The following GRM7 variants were observed in gnomAD, a reference collection of about 807,000 sequenced individuals.
The protein encoded by GRM7 is glutamate metabotropic receptor 7.
In GRM7, 35 loss-of-function variants were observed where a neutral mutation model predicts 84.5. That is an observed-to-expected ratio of 0.41 (90% CI 0.32 to 0.55). The LOEUF is 0.55. Among genes scored for constraint, GRM7 ranks in the 20% least tolerant of loss-of-function variants. The probability of loss-of-function intolerance (pLI) is 0.19; values close to 1 mark genes in which losing one functional copy is unlikely to be tolerated. For synonymous variants in GRM7, 487 were observed against 455.1 expected (o/e 1.07, Z -0.89); for missense variants, 1,003 against 1,194.6 (o/e 0.84, Z 2.36).
At chr3:6,975,349 AT>A (rs1693949067) in intron 1 of GRM7, among the ~76,000 whole-genome samples, 1 of 152,168 alleles carries the variant, frequency 6.6e-6, no homozygotes, top group African/African-American at 2.4e-5. Flanking sequence ...TTTCCAAATG[AT>A]GGCTCTGTCT....
intron 4 of GRM7, among the ~76,000 whole-genome samples, chr3:7,408,755 G>C (rs141029825): frequency 3.3e-5 from 5 of 152,288 alleles, no homozygotes; most frequent in Non-Finnish European, 7.3e-5. Flanking sequence ...GCATAGAGTC[G>C]AGGGTGCAGG....
intron 1 of GRM7, among the ~76,000 whole-genome samples, chr3:6,927,110 C>T (rs1331515220): frequency 6.6e-6 from 1 of 151,988 alleles, no homozygotes; most frequent in African/African-American, 2.4e-5. Context: ...TAAATATGTG[C>T]CATAAAATAA....
chr3:6,999,033 A>G (rs534159396), intron 1 of GRM7, among the ~76,000 whole-genome samples: 1 of 152,268 alleles, frequency 6.6e-6, no homozygotes, highest in African/African-American at 2.4e-5. Context: ...CTCCCCAGAA[A>G]ATGGGTTTTC....
At chr3:7,053,031 G>A (rs1351174059) in intron 1 of GRM7, among the ~76,000 whole-genome samples, 3 of 149,004 alleles carry the variant, frequency 2.0e-5, no homozygotes, top group Non-Finnish European at 4.5e-5. Flanking sequence ...TAGCATGCCA[G>A]TTGGTCAGTA....
rs1466965932 is a variant in GRM7 at position 7,360,134 on chromosome 3, C to CCT, written c.1033+53485_1033+53486dup. On this transcript the variant is annotated intron_variant, in intron 4 of 9. Coordinates refer to ENST00000357716, the MANE Select transcript of GRM7 (RefSeq NM_000844.4). ...TCTCTTTCTCCCCCCCTTTTTTTTC[C>CCT]CTCTGTGTGTGTGTGTGTGTGTGTG... Among the ~76,000 whole-genome samples, 49 of 105,856 alleles carry CCT rather than the reference C, an allele frequency of 4.6e-4. 4 individuals carry two copies. Among genetic ancestry groups the CCT allele is most frequent in the African/African-American group, 2.0e-3 (46 of 23,580 alleles). The allele number at this position is 105,856 out of a possible 152,430, so 69.4% of individuals were successfully genotyped here.
At chr3:7,404,103 A>G (rs1471196319) in intron 4 of GRM7, among the ~76,000 whole-genome samples, 2 of 152,164 alleles carry the variant, frequency 1.3e-5, no homozygotes, top group South Asian at 2.1e-4. Flanking sequence ...AAAAAATTCT[A>G]TACTTAATTC....
chr3:7,217,654 A>G (rs1696659563), intron 2 of GRM7, among the ~76,000 whole-genome samples: 1 of 150,706 alleles, frequency 6.6e-6, no homozygotes, highest in East Asian at 1.9e-4. Flanking sequence ...AATCTTTCCA[A>G]TTTCTGTCAG....
In GRM7 at chr3:7,596,844, G is replaced by T. The variant is rs530105942; in HGVS notation, c.2451+17487G>T. Among the ~76,000 whole-genome samples, 110 of 152,234 alleles carry T rather than the reference G, an allele frequency of 7.2e-4. 1 individual carries two copies. The highest frequency in any genetic ancestry group is 2.5e-3 in the African/African-American group (105 of 41,542). On this transcript the variant is annotated intron_variant, in intron 8 of 9. Coordinates refer to ENST00000357716, the MANE Select transcript of GRM7 (RefSeq NM_000844.4). ...CGTAAAGCCCATGCACAGCTGTGAGGACCCAGGTAGTAGGTGGAGAGGGTT... is the reference window on the plus strand; with the variant it reads ...CGTAAAGCCCATGCACAGCTGTGAGTACCCAGGTAGTAGGTGGAGAGGGTT...
chr3:7,484,971 T>G (rs1699266621), intron 7 of GRM7, among the ~76,000 whole-genome samples: 1 of 152,194 alleles, frequency 6.6e-6, no homozygotes, highest in Non-Finnish European at 1.5e-5. Flanking sequence ...GCTGCCAGAT[T>G]GTGACTTGCC....
intron 1 of GRM7, among the ~76,000 whole-genome samples, chr3:6,948,508 G>A (rs1698179200): frequency 1.3e-5 from 2 of 152,174 alleles, no homozygotes; most frequent in African/African-American, 2.4e-5. Context: ...GTGTGGTGTG[G>A]TTCTGAGAAG....
chr3:7,239,676 G>T lies in GRM7; in HGVS notation c.737-59008G>T, dbSNP rs184986141. 7.9e-5 allele frequency among the ~76,000 whole-genome samples: 12 copies of T among 152,194 alleles called. No homozygotes were observed. The South Asian group carries it at 8.3e-4, about 11-fold the overall frequency. ...CATCCAGTCTATTAAAGGCCTAGAG[G>T]GGGACATTTTTGATCTGGGAAAATT... On this transcript the variant is annotated intron_variant, in intron 2 of 9. Transcript: ENST00000357716.
intron 1 of GRM7, among the ~76,000 whole-genome samples, chr3:6,942,558 A>G (rs970781348): frequency 6.6e-6 from 1 of 152,098 alleles, no homozygotes; most frequent in African/African-American, 2.4e-5. Flanking sequence ...GTCTATATTA[A>G]TAGTGTATTC....
At chr3:7,023,696 A>G (rs1460103528) in intron 1 of GRM7, among the ~76,000 whole-genome samples, 1 of 151,986 alleles carries the variant, frequency 6.6e-6, no homozygotes, top group Non-Finnish European at 1.5e-5. Context: ...TTGCACCTGT[A>G]CCTTTGCAGT....
intron 9 of GRM7, 140 bp downstream of exon 9, chr3:7,680,435 C>G (rs1700320719): frequency 2.5e-6 from 2 of 784,524 alleles, no homozygotes; most frequent in Non-Finnish European, 4.1e-6. Context: ...ATGCCAGCTT[C>G]TGCTCTTTTG....
chr3:7,216,667 C>A (rs1696623562), intron 2 of GRM7, among the ~76,000 whole-genome samples: 1 of 152,132 alleles, frequency 6.6e-6, no homozygotes. Flanking sequence ...ATAAACTGTT[C>A]TCTATTATTG....
intron 8 of GRM7, among the ~76,000 whole-genome samples, chr3:7,596,090 T>TA (rs1222162660): frequency 1.3e-5 from 2 of 152,086 alleles, no homozygotes; most frequent in Non-Finnish European, 2.9e-5. Context: ...AGGAATGAGT[T>TA]AGAGGTGTTG....
chr3:6,887,540 T>A (rs2124975163), intron 1 of GRM7, among the ~76,000 whole-genome samples: 1 of 152,320 alleles, frequency 6.6e-6, no homozygotes. Flanking sequence ...TTCATCCATG[T>A]CCCTACAAAG....
chr3:7,181,670 G>T (rs1399324149), intron 2 of GRM7, among the ~76,000 whole-genome samples: 1 of 152,094 alleles, frequency 6.6e-6, no homozygotes, highest in Non-Finnish European at 1.5e-5. Context: ...GTGCGGTGGT[G>T]TGATCTTGGC....
chr3:7,342,232 A>G (rs73113726), intron 4 of GRM7, among the ~76,000 whole-genome samples: 6,334 of 152,218 alleles, frequency 0.042, 295 homozygotes, highest in African/African-American at 0.12. Flanking sequence ...TCAAGACAAA[A>G]CTATGACTTT....
Sources: allele counts gnomAD v4.1 joint callset (sites outside exome capture counted in the v4.1 genomes callset), GRCh38; gene constraint gnomAD v4.1.1; transcripts MANE v1.5; gene names NCBI Gene and HGNC (gene_info 2026-07-23, HGNC 2026-07-21).